BAIAP2: variants seen among roughly 807,000 people sequenced by gnomAD.
BAIAP2 encodes BAR/IMD domain-containing adapter protein 2.
A neutral mutation model predicts 63.0 loss-of-function variants in BAIAP2; 18 were observed. The ratio of observed to expected loss-of-function variants is 0.29; its 90% CI spans 0.20 to 0.42. The LOEUF (loss-of-function observed/expected upper bound fraction) is 0.42. BAIAP2 is among the 10% of genes least tolerant of loss of function. The pLI is 1.00. For missense variants in BAIAP2, 610 were observed against 734.3 expected, an observed-to-expected ratio of 0.83 and a Z score of 1.96; for synonymous variants, 386 against 307.6, an observed-to-expected ratio of 1.25 and a Z score of -2.67.
At chr17:81,087,268 C>T (rs1329323702) in intron 6 of BAIAP2, among the ~76,000 whole-genome samples, 1 of 152,220 alleles carries the variant, frequency 6.6e-6, no homozygotes, top group Non-Finnish European at 1.5e-5. Context: ...TGGGCTGCAC[C>T]CTGGGGTGGG....
In BAIAP2 at chr17:81,044,740, C is replaced by G. The variant is rs1181678679; in HGVS notation, c.55-8928C>G. Among the ~76,000 whole-genome samples the G allele has an allele frequency of 2.0e-5, 3 of 152,222 alleles. No individual in the cohort carries two copies. The South Asian group carries it at 6.2e-4, about 32-fold the overall frequency. On this transcript the variant is annotated intron_variant, in intron 1 of 13. Coordinates refer to ENST00000428708, the MANE Select transcript of BAIAP2 (RefSeq NM_001144888.2). Reference sequence around the variant, plus strand: ...GTATTACGAGCCTATGATGGTTTTCCCTTCCAACCTCAGTCAGATCGCAGC... The same window carrying G: ...GTATTACGAGCCTATGATGGTTTTCGCTTCCAACCTCAGTCAGATCGCAGC...
chr17:81,041,528 G>T (rs930228421), intron 1 of BAIAP2, among the ~76,000 whole-genome samples: 1 of 152,138 alleles, frequency 6.6e-6, no homozygotes, highest in Non-Finnish European at 1.5e-5. Flanking sequence ...CTTATAATTG[G>T]GTAGTGTTTT....
chr17:81,060,597 A>G (rs2050374115), intron 3 of BAIAP2, among the ~76,000 whole-genome samples: 1 of 152,042 alleles, frequency 6.6e-6, no homozygotes, highest in Admixed American at 6.6e-5. Context: ...GGTTGCTGTC[A>G]CCTTCCGGCA....
intron 13 of BAIAP2, among the ~76,000 whole-genome samples, chr17:81,112,882 T>C (rs2060080383): frequency 1.3e-5 from 2 of 151,426 alleles, no homozygotes; most frequent in African/African-American, 4.9e-5. Context: ...GAGACCCCCA[T>C]CTTGACAAAA....
At chr17:81,047,393 G>T (rs1015000243) in intron 1 of BAIAP2, among the ~76,000 whole-genome samples, 1 of 152,206 alleles carries the variant, frequency 6.6e-6, no homozygotes, top group African/African-American at 2.4e-5. Context: ...TAAGGCAGCC[G>T]GAGAGGGTCC....
chr17:81,035,291 A>C lies in BAIAP2; in HGVS notation c.37A>C (p.Thr13Pro), dbSNP rs2046047395. The C allele has an allele frequency of 6.6e-7, 1 of 1,510,454 alleles. No individual in the cohort carries two copies. 93.6% of individuals were successfully genotyped at this position (1,510,454 alleles called of 1,614,324 possible). A position where few individuals can be genotyped will look rare whatever the true frequency, so the allele number is the denominator to read the frequency against. ...LSRSEEMHRLTENVYKTIMEQ... is the reference protein window; with the variant it reads ...LSRSEEMHRLPENVYKTIMEQ... ...TCGCTCAGAGGAGATGCACCGGCTC[A>C]CGGAAAATGTCTATAAGGTGAGCGC... Residue 13 changes from threonine to proline, a missense_variant, in exon 1 of 14, where the codon ACG (threonine) becomes CCG (proline). Coordinates refer to ENST00000428708, the MANE Select transcript of BAIAP2 (RefSeq NM_001144888.2).
intron 3 of BAIAP2, among the ~76,000 whole-genome samples, chr17:81,063,037 T>C (rs1017073448): frequency 1.3e-5 from 2 of 150,956 alleles, no homozygotes; most frequent in East Asian, 3.9e-4. Flanking sequence ...CATCACTCCA[T>C]GATTGAGAGT....
At chr17:81,072,391 G>A (rs114296186) in intron 3 of BAIAP2, among the ~76,000 whole-genome samples, 1,817 of 152,312 alleles carry the variant, frequency 0.012, 34 homozygotes, top group African/African-American at 0.041. Flanking sequence ...TCCATGCCTT[G>A]TGGCCACCTG....
At chr17:81,090,247 A>G (rs1366939558) in intron 6 of BAIAP2, among the ~76,000 whole-genome samples, 4 of 152,178 alleles carry the variant, frequency 2.6e-5, no homozygotes, top group Non-Finnish European at 5.9e-5. Context: ...GTGAGGGGGA[A>G]TATCCTGGCT....
intron 7 of BAIAP2, among the ~76,000 whole-genome samples, chr17:81,102,266 C>T (rs762677173): frequency 6.6e-6 from 1 of 152,114 alleles, no homozygotes; most frequent in Non-Finnish European, 1.5e-5. Context: ...TCTCAGGGTG[C>T]GGGGGTGACG....
Position 81,108,493 on chromosome 17 carries a change from G to C in BAIAP2, c.1519G>C (p.Ala507Pro), listed in dbSNP as rs752370057. ...AFSQGLDDYG[A>P]RSMSRNPFAH... ...CCCCCAGGGCCTGGATGACTATGGA[G>C]CGCGGTCCATGAGCAGGTAAGGGGA... Residue 507 changes from alanine (A) to proline (P), a missense_variant, in exon 13 of 14, where the codon GCG becomes CCG. Ala to Pro is a conservative substitution (Grantham distance 27, BLOSUM62 -1). Transcript: ENST00000428708. 4.3e-6 allele frequency: 7 copies of C among 1,613,882 alleles called. No individual in the cohort carries two copies. Among genetic ancestry groups the C allele is most frequent in the Non-Finnish European group, 2.5e-6 (3 of 1,180,016 alleles).
At chr17:81,057,773 G>A (rs554196164) in intron 2 of BAIAP2, 108 bp from the exon 3 acceptor site, 14 of 1,444,128 alleles carry the variant, frequency 9.7e-6, no homozygotes, top group Middle Eastern at 1.8e-4. Flanking sequence ...AGCTTGTCTG[G>A]GCAGGAGACA....
intron 1 of BAIAP2, among the ~76,000 whole-genome samples, chr17:81,042,444 A>G (rs1019781158): frequency 6.6e-6 from 1 of 151,908 alleles, no homozygotes; most frequent in Non-Finnish European, 1.5e-5. Context: ...GTGTGAGCAA[A>G]CGCACCCTGG....
At chr17:81,106,607 C>CT (rs2059212705) in intron 11 of BAIAP2, 138 bp from the exon 12 acceptor site, 1 of 992,774 alleles carries the variant, frequency 1.0e-6, no homozygotes, top group Admixed American at 2.5e-5. Context: ...GTCCCCAGGG[C>CT]TGCCGCCTTG....
At chr17:81,106,597 G>A (rs1568185338) in intron 11 of BAIAP2, 148 bp from the exon 12 acceptor site, 1 of 894,768 alleles carries the variant, frequency 1.1e-6, no homozygotes. Flanking sequence ...CCGGCCCATG[G>A]TCCCCAGGGC....
intron 13 of BAIAP2, 125 bp downstream of exon 13, chr17:81,108,634 C>T (rs2059469398): frequency 7.8e-7 from 1 of 1,287,512 alleles, no homozygotes; most frequent in South Asian, 1.3e-5. Flanking sequence ...GGCCCTTCAC[C>T]CCTGTCAGAG....
At chr17:81,108,709 C>T (rs2059485607) in intron 13 of BAIAP2, 200 bp downstream of exon 13, 2 of 855,956 alleles carry the variant, frequency 2.3e-6, no homozygotes, top group Non-Finnish European at 3.6e-6. Flanking sequence ...TGGGCCCTGC[C>T]CCTCTTTCAT....
rs201252743 is a variant in BAIAP2 at position 81,106,165 on chromosome 17, G to A, written c.1337+19G>A. On this transcript the variant is annotated intron_variant, in intron 11 of 13. Transcript: ENST00000428708. ...ACATGAGGTGAGCTCTGGGCCCAAC[G>A]GGAGTGTAAGATCCCCAGCTCGGGA... 8.7e-5 allele frequency: 137 copies of A among 1,565,864 alleles called. No individual in the cohort carries two copies. In the African/African-American group the frequency reaches 1.3e-3, roughly 15 times the overall value.
chr17:81,074,539 G>C (rs536063080), intron 3 of BAIAP2, among the ~76,000 whole-genome samples: 2 of 151,444 alleles, frequency 1.3e-5, no homozygotes, highest in Non-Finnish European at 2.9e-5. Context: ...GTGTGTGCAC[G>C]TGCACAGATG....
Sources: allele counts gnomAD v4.1 joint callset (sites outside exome capture counted in the v4.1 genomes callset), GRCh38; gene constraint gnomAD v4.1.1; transcripts MANE v1.5; gene names NCBI Gene and HGNC (gene_info 2026-07-23, HGNC 2026-07-21).